DMD: variants seen among roughly 807,000 people sequenced by gnomAD.
The protein encoded by DMD is dystrophin, also known as mutant dystrophin.
Under a neutral mutation model 330.1 loss-of-function variants are expected in DMD, and 63 were observed. The ratio of observed to expected loss-of-function variants is 0.19; its 90% CI spans 0.16 to 0.24. DMD has a LOEUF of 0.24. DMD is among the 10% of genes least tolerant of loss of function. DMD has a pLI of 1.00. For missense variants in DMD, 3,344 were observed against 2,684.1 expected (o/e 1.25, Z -5.43); for synonymous variants, 1,223 against 959.8 (o/e 1.27, Z -5.07).
At chrX:33,217,375 T>C (rs183856425) in intron 1 of DMD, among the ~76,000 whole-genome samples, 26 of 111,987 alleles carry the variant, frequency 2.3e-4, no homozygotes, top group Non-Finnish European at 4.5e-4. Flanking sequence ...TTTGGAAGAA[T>C]TGATATATTT....
intron 43 of DMD, among the ~76,000 whole-genome samples, chrX:32,217,357 G>A (rs768379474): frequency 2.7e-5 from 3 of 110,848 alleles, no homozygotes; most frequent in Non-Finnish European, 5.7e-5. Context: ...CAACTATTTT[G>A]GACTATTGGC....
At chrX:31,791,902 T>C (rs2091589960) in intron 50 of DMD, among the ~76,000 whole-genome samples, 1 of 112,238 alleles carries the variant, frequency 8.9e-6, no homozygotes, top group South Asian at 3.7e-4. Context: ...AAGGAAATTA[T>C]GGAAATTCCA....
At chrX:33,163,552 G>GTATATATATATATATATA (rs781153726) in intron 1 of DMD, among the ~76,000 whole-genome samples, 87 of 90,984 alleles carry the variant, frequency 9.6e-4, no homozygotes, top group African/African-American at 3.5e-3. Context: ...ATATATGTGT[G>GTATATATATATATATATA]TATATATATA....
chrX:31,455,610 A>C (rs2066101220), intron 59 of DMD, among the ~76,000 whole-genome samples: 1 of 112,451 alleles, frequency 8.9e-6, no homozygotes, highest in East Asian at 2.8e-4. Flanking sequence ...TCCTTATCCC[A>C]TATCTGAATT....
At chrX:32,462,074 A>T (rs2148408216) in intron 25 of DMD, among the ~76,000 whole-genome samples, 1 of 111,156 alleles carries the variant, frequency 9.0e-6, no homozygotes, top group Admixed American at 9.6e-5. Context: ...TAACACGTAA[A>T]TTGAAACCCC....
chrX:31,409,992 T>C (rs1182322214), intron 60 of DMD, among the ~76,000 whole-genome samples: 5 of 111,040 alleles, frequency 4.5e-5, no homozygotes, highest in Non-Finnish European at 9.4e-5. Flanking sequence ...CTAATTTTTG[T>C]ATTTTTTAGT....
chrX:33,010,232 A>ATGTG (rs1569549286), intron 2 of DMD, among the ~76,000 whole-genome samples: 113 of 107,048 alleles, frequency 1.1e-3, no homozygotes, highest in Middle Eastern at 9.9e-3. Context: ...ATGTGTGTAT[A>ATGTG]TATGTACATA....
chrX:33,314,864 G>A (rs546041223), intron 1 of DMD, among the ~76,000 whole-genome samples: 106 of 110,466 alleles, frequency 9.6e-4, no homozygotes, highest in Admixed American at 7.1e-3. Flanking sequence ...TGTTGCCCAG[G>A]CTGGAGTGCA....
chrX:32,875,518 C>A (rs1016180663), intron 2 of DMD, among the ~76,000 whole-genome samples: 14 of 112,077 alleles, frequency 1.2e-4, no homozygotes, highest in Admixed American at 3.8e-4. Flanking sequence ...TCACTTTAAT[C>A]CAGTGCCAGG....
chrX:31,826,143 A>G (rs2092890800), intron 49 of DMD, among the ~76,000 whole-genome samples: 1 of 112,085 alleles, frequency 8.9e-6, no homozygotes, highest in Non-Finnish European at 1.9e-5. Context: ...ATTAATACAT[A>G]AACTCTAAAT....
chrX:32,394,908 C>CA (rs751565675), intron 30 of DMD, among the ~76,000 whole-genome samples: 1 of 37,130 alleles, frequency 2.7e-5, no homozygotes, highest in Non-Finnish European at 4.9e-5. Context: ...GAGCAAAAAA[C>CA]AAAAAAACAA....
intron 65 of DMD, among the ~76,000 whole-genome samples, chrX:31,208,637 T>C (rs2141796): frequency 0.082 from 9,169 of 111,492 alleles, 534 homozygotes; most frequent in East Asian, 0.49. Flanking sequence ...GTATAAATTT[T>C]AGTTCAAAAG....
At chrX:32,483,632 G>T (rs972297485) in intron 21 of DMD, among the ~76,000 whole-genome samples, 2 of 108,556 alleles carry the variant, frequency 1.8e-5, no homozygotes, top group Non-Finnish European at 3.8e-5. Context: ...AATGACAAGT[G>T]AAAATACATT....
intron 45 of DMD, among the ~76,000 whole-genome samples, chrX:31,962,862 A>AAAATGTGAATGTGTGAGCAGGCTTGTAGC: frequency 8.9e-6 from 1 of 111,741 alleles, no homozygotes; most frequent in Non-Finnish European, 1.9e-5. Flanking sequence ...TCCTGGGGGC[A>AAAATGTGAATGTGTGAGCAGGCTTGTAGC]AAATGTGAAT....
chrX:32,888,336 G>C (rs1452977268), intron 2 of DMD, among the ~76,000 whole-genome samples: 1 of 109,835 alleles, frequency 9.1e-6, no homozygotes, highest in Non-Finnish European at 1.9e-5. Context: ...ACAGGCTCCG[G>C]TCTGTCATGT....
intron 1 of DMD, among the ~76,000 whole-genome samples, chrX:33,043,833 C>A (rs1434974060): frequency 1.0e-5 from 1 of 96,673 alleles, no homozygotes; most frequent in African/African-American, 3.7e-5. Context: ...ATCCCTCCCC[C>A]CTCCCCCCAC....
chrX:31,509,608 C>T (rs766904947), intron 55 of DMD, among the ~76,000 whole-genome samples: 1 of 111,849 alleles, frequency 8.9e-6, no homozygotes, highest in Non-Finnish European at 1.9e-5. Flanking sequence ...GGCTCAATCA[C>T]GAGCTCCTTA....
At chrX:32,527,524 T>G (rs1205150508) in intron 17 of DMD, among the ~76,000 whole-genome samples, 2 of 109,729 alleles carry the variant, frequency 1.8e-5, no homozygotes, top group Non-Finnish European at 3.8e-5. Flanking sequence ...TCTCTACTCT[T>G]CCCCTTTCAA....
At chrX:33,081,459 A>G (rs781498031) in intron 1 of DMD, among the ~76,000 whole-genome samples, 41 of 111,535 alleles carry the variant, frequency 3.7e-4, no homozygotes, top group Admixed American at 6.7e-4. Flanking sequence ...TTTTTCTTAG[A>G]GACGGGGTTT....
Sources: allele counts gnomAD v4.1 joint callset (sites outside exome capture counted in the v4.1 genomes callset), GRCh38; gene constraint gnomAD v4.1.1; transcripts MANE v1.5; gene names NCBI Gene and HGNC (gene_info 2026-07-23, HGNC 2026-07-21).